Variants in PEAK1 observed in about 807,000 individuals in gnomAD.
PEAK1 encodes inactive tyrosine-protein kinase PEAK1.
Under a neutral mutation model 124.7 loss-of-function variants are expected in PEAK1, and 54 were observed. That is an observed-to-expected ratio of 0.43 (90% CI 0.35 to 0.54). PEAK1 has a LOEUF of 0.54. PEAK1 is among the 20% of genes least tolerant of loss of function. PEAK1 has a pLI of 0.01. For missense variants in PEAK1, 2,046 were observed against 2,134.5 expected (o/e 0.96, Z 0.82); for synonymous variants, 719 against 760.0 (o/e 0.95, Z 0.89).
chr15:77,263,293 CA>C (rs1183463596), intron 5 of PEAK1, among the ~76,000 whole-genome samples: 2 of 151,952 alleles, frequency 1.3e-5, no homozygotes, highest in East Asian at 1.9e-4. Flanking sequence ...AAAAACACTT[CA>C]AAAAAATCAA....
chr15:77,319,913 A>G (rs373792972), intron 2 of PEAK1, among the ~76,000 whole-genome samples: 1 of 152,322 alleles, frequency 6.6e-6, no homozygotes, highest in East Asian at 1.9e-4. Flanking sequence ...GCTGCTCCCA[A>G]TGAAAAATAT....
chr15:77,354,722 TG>T (rs2067402745), intron 2 of PEAK1, among the ~76,000 whole-genome samples: 1 of 152,184 alleles, frequency 6.6e-6, no homozygotes, highest in Non-Finnish European at 1.5e-5. Context: ...AGTACGTTTT[TG>T]TCCATTAATT....
rs984298630 is a variant in PEAK1, at chr15:77,109,202, T to C, written c.*4954A>G. ...AAAAAATCTTCCGCTCTCAGTATTA[T>C]ATGATGTTCTCAAGCTGAGGTTTGG... is the stretch of plus-strand genomic sequence containing the variant. On this transcript the variant is annotated 3_prime_UTR_variant, in exon 10 of 10. Transcript: ENST00000682557. 1.3e-5 allele frequency: 2 copies of C among 152,208 alleles called. No homozygotes were observed. Among genetic ancestry groups the C allele is most frequent in the Non-Finnish European group, 2.9e-5 (2 of 68,024 alleles). 9.4% of individuals were successfully genotyped at this position (152,208 alleles called of 1,614,324 possible). A position where few individuals can be genotyped will look rare whatever the true frequency, so the allele number is the denominator to read the frequency against.
intron 2 of PEAK1, among the ~76,000 whole-genome samples, chr15:77,294,711 T>G (rs538032121): frequency 6.6e-6 from 1 of 152,300 alleles, no homozygotes; most frequent in Admixed American, 6.5e-5. Flanking sequence ...ACCAATAATA[T>G]GAATTAAAAA....
intron 2 of PEAK1, among the ~76,000 whole-genome samples, chr15:77,344,806 T>A (rs1409221731): frequency 2.0e-5 from 3 of 152,224 alleles, no homozygotes; most frequent in Non-Finnish European, 4.4e-5. Flanking sequence ...TTTATTCTTT[T>A]TGATAGAATT....
intron 6 of PEAK1, among the ~76,000 whole-genome samples, chr15:77,209,555 A>G (rs1440808252): frequency 6.6e-6 from 1 of 152,206 alleles, no homozygotes; most frequent in African/African-American, 2.4e-5. Context: ...AACTTTCTGG[A>G]CTTAAAAGAT....
At chr15:77,191,688 A>C (rs1318864872) in intron 6 of PEAK1, among the ~76,000 whole-genome samples, 1 of 152,172 alleles carries the variant, frequency 6.6e-6, no homozygotes, top group Non-Finnish European at 1.5e-5. Flanking sequence ...GCTGAGCAAT[A>C]AGGTAATGTG....
At chr15:77,358,405 T>A (rs1267731576) in intron 2 of PEAK1, among the ~76,000 whole-genome samples, 1 of 152,180 alleles carries the variant, frequency 6.6e-6, no homozygotes, top group Non-Finnish European at 1.5e-5. Context: ...GTCCTCTGTC[T>A]CCACTGCTAC....
intron 2 of PEAK1, chr15:77,335,229 G>A (rs2066127205): frequency 1.0e-6 from 1 of 985,254 alleles, no homozygotes; most frequent in Admixed American, 6.2e-5. Context: ...CTCCTTCAGG[G>A]GCTCCTCCTC....
At chr15:77,207,498 T>G (rs1184314552) in intron 6 of PEAK1, among the ~76,000 whole-genome samples, 1 of 152,156 alleles carries the variant, frequency 6.6e-6, no homozygotes, top group Non-Finnish European at 1.5e-5. Context: ...AAAAATGAGT[T>G]ACCAAGCCAA....
At chr15:77,275,006 G>A (rs910269441) in intron 5 of PEAK1, among the ~76,000 whole-genome samples, 7 of 152,128 alleles carry the variant, frequency 4.6e-5, no homozygotes, top group Non-Finnish European at 7.4e-5. Context: ...TAAAATAATG[G>A]CATTTGCAGC....
downstream of PEAK1, chr15:77,105,328 G>A (rs2050737681): frequency 9.0e-6 from 1 of 110,722 alleles, no homozygotes; most frequent in African/African-American, 3.3e-5. Context: ...GTGTGTGTGT[G>A]TGTGTGTGTG....
chr15:77,301,495 CATT>C (rs1378845443), intron 2 of PEAK1, among the ~76,000 whole-genome samples: 1 of 152,152 alleles, frequency 6.6e-6, no homozygotes, highest in East Asian at 1.9e-4. Flanking sequence ...TTCAACCCAT[CATT>C]ATTACCTTGA....
chr15:77,360,619 A>C (rs1421288784), intron 2 of PEAK1, among the ~76,000 whole-genome samples: 2 of 152,176 alleles, frequency 1.3e-5, no homozygotes, highest in African/African-American at 4.8e-5. Context: ...ACCTATACAG[A>C]GGACTGACTC....
chr15:77,275,362 G>A (rs983528333), intron 5 of PEAK1, among the ~76,000 whole-genome samples: 3 of 152,114 alleles, frequency 2.0e-5, no homozygotes, highest in Non-Finnish European at 4.4e-5. Context: ...TCTTGGTAAC[G>A]TACAGTCAAT....
intron 2 of PEAK1, among the ~76,000 whole-genome samples, chr15:77,293,197 A>G (rs914337146): frequency 6.6e-6 from 1 of 152,238 alleles, no homozygotes; most frequent in Non-Finnish European, 1.5e-5. Context: ...CTTTCTAATT[A>G]CTTGAACCAT....
At chr15:77,348,291 C>G (rs763239291) in intron 2 of PEAK1, 32 of 891,508 alleles carry the variant, frequency 3.6e-5, no homozygotes, top group Non-Finnish European at 4.2e-5. Context: ...TTTTCCTCAT[C>G]AGTAAAATGA....
intron 1 of PEAK1, among the ~76,000 whole-genome samples, chr15:77,416,969 G>C (rs949718718): frequency 6.6e-6 from 1 of 152,096 alleles, no homozygotes; most frequent in African/African-American, 2.4e-5. Context: ...TTTGTGGCTT[G>C]TATTAAATTT....
intron 1 of PEAK1, among the ~76,000 whole-genome samples, chr15:77,373,686 C>T (rs1039217964): frequency 5.7e-4 from 87 of 152,144 alleles, no homozygotes; most frequent in African/African-American, 2.1e-3. Context: ...GTGCTACAGC[C>T]ATCTTAACTG....
Sources: allele counts gnomAD v4.1 joint callset (sites outside exome capture counted in the v4.1 genomes callset), GRCh38; gene constraint gnomAD v4.1.1; transcripts MANE v1.5; gene names NCBI Gene and HGNC (gene_info 2026-07-23, HGNC 2026-07-21).